Variants in ANGPT2 observed in about 807,000 individuals in gnomAD.
ANGPT2 encodes angiopoietin-2.
Under a neutral mutation model 62.9 loss-of-function variants are expected in ANGPT2, and 28 were observed. The ratio of observed to expected loss-of-function variants is 0.44; its 90% CI spans 0.33 to 0.61. The LOEUF (loss-of-function observed/expected upper bound fraction) is 0.61. Among genes scored for constraint, ANGPT2 ranks in the 20% least tolerant of loss-of-function variants. The pLI is 0.03. For synonymous variants in ANGPT2, 284 were observed against 207.8 expected (o/e 1.37, Z -3.15); for missense variants, 727 against 594.9 (o/e 1.22, Z -2.31).
chr8:6,553,437 A>C (rs564566652), intron 1 of ANGPT2, among the ~76,000 whole-genome samples: 6 of 152,244 alleles, frequency 3.9e-5, no homozygotes, highest in Admixed American at 2.6e-4. Context: ...CGGGAGAATA[A>C]CTTCAGAGGC....
intron 1 of ANGPT2, among the ~76,000 whole-genome samples, chr8:6,544,633 T>A (rs547587525): frequency 6.6e-6 from 1 of 152,304 alleles, no homozygotes; most frequent in South Asian, 2.1e-4. Flanking sequence ...AACTTGGCCA[T>A]GAAATGAAGC....
intron 1 of ANGPT2, among the ~76,000 whole-genome samples, chr8:6,536,287 G>A (rs979629966): frequency 6.6e-6 from 1 of 152,138 alleles, no homozygotes; most frequent in Non-Finnish European, 1.5e-5. Flanking sequence ...GGGAATCGCT[G>A]TGTCGGGATC....
chr8:6,543,112 C>A (rs780479668), intron 1 of ANGPT2, among the ~76,000 whole-genome samples: 63 of 152,248 alleles, frequency 4.1e-4, no homozygotes, highest in Non-Finnish European at 6.0e-4. Flanking sequence ...ACTCCACCCC[C>A]AGCCAAGACT....
At chr8:6,515,667 T>A (rs1816129616) in intron 5 of ANGPT2, among the ~76,000 whole-genome samples, 1 of 152,178 alleles carries the variant, frequency 6.6e-6, no homozygotes, top group Non-Finnish European at 1.5e-5. Flanking sequence ...AAGATTACAG[T>A]AGAACGAAAC....
In ANGPT2 at chr8:6,500,476, T is replaced by C. The variant is rs1811941584; in HGVS notation, c.*2625A>G. The C allele has an allele frequency of 6.5e-6, 1 of 153,538 alleles. No homozygotes were observed. The highest frequency in any genetic ancestry group is 1.4e-5 in the Non-Finnish European group (1 of 69,124). 9.5% of individuals were successfully genotyped at this position (153,538 alleles called of 1,614,324 possible). A position where few individuals can be genotyped will look rare whatever the true frequency, so the allele number is the denominator to read the frequency against. Reference sequence around the variant, plus strand: ...AGAAGTTGCCTTTCATGTTCAAAAATGTTAATTTGTTTGTCACAGTTTATT... The same window carrying C: ...AGAAGTTGCCTTTCATGTTCAAAAACGTTAATTTGTTTGTCACAGTTTATT... On this transcript the variant is annotated 3_prime_UTR_variant, in exon 9 of 9. Coordinates refer to ENST00000629816, the MANE Select transcript of ANGPT2 (RefSeq NM_001118887.2).
At chr8:6,511,674 T>G (rs571386064) in intron 7 of ANGPT2, among the ~76,000 whole-genome samples, 1 of 152,184 alleles carries the variant, frequency 6.6e-6, no homozygotes, top group South Asian at 2.1e-4. Flanking sequence ...AGGATAATAA[T>G]TTTCGATGTA....
At chr8:6,540,048 A>G (rs934993403) in intron 1 of ANGPT2, among the ~76,000 whole-genome samples, 23 of 152,190 alleles carry the variant, frequency 1.5e-4, no homozygotes, top group Admixed American at 2.6e-4. Flanking sequence ...GCATTCTAAC[A>G]TTAATAGTCC....
chr8:6,544,948 A>G (rs1332787022), intron 1 of ANGPT2, among the ~76,000 whole-genome samples: 1 of 152,152 alleles, frequency 6.6e-6, no homozygotes. Context: ...TATTATTTTG[A>G]TTTTTAAATG....
At chr8:6,530,713 G>C (rs1819333369) in intron 2 of ANGPT2, among the ~76,000 whole-genome samples, 1 of 152,040 alleles carries the variant, frequency 6.6e-6, no homozygotes, top group Non-Finnish European at 1.5e-5. Flanking sequence ...TGATATTGTG[G>C]AAAGACCTGG....
chr8:6,526,173 A>G (rs534584213), intron 3 of ANGPT2, among the ~76,000 whole-genome samples: 1 of 149,466 alleles, frequency 6.7e-6, no homozygotes, highest in African/African-American at 2.5e-5. Flanking sequence ...TAATCCCAGC[A>G]CTTTAGGATG....
intron 1 of ANGPT2, among the ~76,000 whole-genome samples, chr8:6,549,320 C>T (rs74937299): frequency 1.4e-3 from 213 of 152,324 alleles, no homozygotes; most frequent in African/African-American, 5.0e-3. Flanking sequence ...ATGGATCCAT[C>T]ACAGAAATAA....
chr8:6,517,959 C>A (rs973085169), intron 5 of ANGPT2, among the ~76,000 whole-genome samples: 37 of 152,196 alleles, frequency 2.4e-4, no homozygotes, highest in Non-Finnish European at 4.4e-5. Context: ...AAATGAGTTT[C>A]TTTTACTGCA....
At chr8:6,554,692 T>G (rs1236606872) in intron 1 of ANGPT2, among the ~76,000 whole-genome samples, 5 of 152,198 alleles carry the variant, frequency 3.3e-5, no homozygotes, top group Non-Finnish European at 7.3e-5. Context: ...ATGTGGAAAG[T>G]TGCTCAGAGG....
At chr8:6,506,443 T>G (rs1586200300) in intron 8 of ANGPT2, among the ~76,000 whole-genome samples, 1 of 152,178 alleles carries the variant, frequency 6.6e-6, no homozygotes, top group Non-Finnish European at 1.5e-5. Context: ...GTAAATATAT[T>G]GTTTCCTTGG....
chr8:6,526,296 G>A (rs1040224451), intron 3 of ANGPT2, among the ~76,000 whole-genome samples: 5 of 145,900 alleles, frequency 3.4e-5, no homozygotes, highest in East Asian at 2.1e-4. Context: ...TCAGCTGGGT[G>A]TGTGACACAT....
In ANGPT2 at chr8:6,500,329, C is replaced by T. The variant is rs1419090252; in HGVS notation, c.*2772G>A. ...GATAACAGTATTTATATTTTTATGG[C>T]TTTCCTAAATTCCACTTCAACTTTC... On this transcript the variant is annotated 3_prime_UTR_variant, in exon 9 of 9. Transcript: ENST00000629816. 1 of 163,358 alleles carries T rather than the reference C, an allele frequency of 6.1e-6. No individual in the cohort carries two copies. The highest frequency in any genetic ancestry group is 2.4e-5 in the African/African-American group (1 of 41,538). The allele number at this position is 163,358 out of a possible 1,614,324, so 10.1% of individuals were successfully genotyped here.
chr8:6,546,120 G>A (rs1822536973), intron 1 of ANGPT2, among the ~76,000 whole-genome samples: 1 of 152,144 alleles, frequency 6.6e-6, no homozygotes, highest in Non-Finnish European at 1.5e-5. Flanking sequence ...TGGTAAAACA[G>A]GTATATAAAT....
Position 6,503,020 on chromosome 8 carries a change from G to A in ANGPT2, c.*81C>T. 2 of 1,533,890 alleles carry A rather than the reference G, an allele frequency of 1.3e-6. No homozygotes were observed. Among genetic ancestry groups the A allele is most frequent in the South Asian group, 2.4e-5 (2 of 82,420 alleles). ...GCCCTCTGTGGTGGAAGAGGACACAGTGCGCAGCCGTGACTTTCAGTGCAC... is the reference window on the plus strand; with the variant it reads ...GCCCTCTGTGGTGGAAGAGGACACAATGCGCAGCCGTGACTTTCAGTGCAC... On this transcript the variant is annotated 3_prime_UTR_variant, in exon 9 of 9. Transcript: ENST00000629816.
At chr8:6,509,807 C>T (rs1814599453) in intron 7 of ANGPT2, among the ~76,000 whole-genome samples, 1 of 152,198 alleles carries the variant, frequency 6.6e-6, no homozygotes. Context: ...GCTCGGAACA[C>T]TCACATTAGC....
Sources: gnomAD v4.1 joint callset for allele counts (sites outside exome capture counted in the v4.1 genomes callset) on GRCh38, gnomAD v4.1.1 for gene constraint, MANE v1.5 for transcripts, NCBI Gene and HGNC (gene_info 2026-07-23, HGNC 2026-07-21) for gene names.